Variants in RSPH1 observed in about 807,000 individuals in gnomAD.
The protein encoded by RSPH1 is radial spoke head 1 homolog.
RSPH1 carries 32 observed loss-of-function variants against 44.2 expected under a neutral mutation model. The ratio of observed to expected loss-of-function variants is 0.72; its 90% confidence interval spans 0.55 to 0.97. RSPH1 has a LOEUF of 0.97. Ranked by LOEUF, RSPH1 falls within the 50% of genes least tolerant of loss-of-function variation. The pLI, the probability that RSPH1 is intolerant of heterozygous loss-of-function variation, is 0.00. For synonymous variants in RSPH1, 134 were observed against 147.3 expected, an observed-to-expected ratio of 0.91 and a Z score of 0.65; for missense variants, 391 against 398.7, an observed-to-expected ratio of 0.98 and a Z score of 0.16.
intron 3 of RSPH1, among the ~76,000 whole-genome samples, chr21:42,487,845 A>G (rs1382246310): frequency 6.6e-6 from 1 of 152,236 alleles, no homozygotes; most frequent in Non-Finnish European, 1.5e-5. Flanking sequence ...GAACTTCTAC[A>G]TATTTATTTC....
chr21:42,476,003 A>G lies in RSPH1; in HGVS notation c.772T>C (p.Phe258Leu). 6.2e-7 allele frequency: 1 copy of G among 1,613,200 alleles called. No homozygotes were observed. Among genetic ancestry groups the G allele is most frequent in the Non-Finnish European group, 8.5e-7 (1 of 1,179,780 alleles). Residue 258 changes from phenylalanine (F) to leucine (L), a missense_variant, in exon 8 of 9, where the codon TTC becomes CTC. Coordinates refer to ENST00000291536, the MANE Select transcript of RSPH1 (RefSeq NM_080860.4). Reference sequence around the variant, plus strand: ...GGCCTCATGTCCATCTCACCCTCGAAGCCCTCCAGCAGAGCCTGGGCCTCC... The same window carrying G: ...GGCCTCATGTCCATCTCACCCTCGAGGCCCTCCAGCAGAGCCTGGGCCTCC... Reference protein sequence around the residue: ...GEEAQALLEGFEGEMDMRPGD... With the variant: ...GEEAQALLEGLEGEMDMRPGD...
chr21:42,477,504 T>G, intron 6 of RSPH1, 60 bp from the exon 7 acceptor site: 5 of 1,564,822 alleles, frequency 3.2e-6, no homozygotes, highest in Non-Finnish European at 4.4e-6. Context: ...TCTGGAATAT[T>G]AAAAGTGAGG....
rs374495691 is a variant in RSPH1 at position 42,482,988 on chromosome 21, C to A, written c.502-280G>T. 4.1e-4 allele frequency among the ~76,000 whole-genome samples: 62 copies of A among 152,266 alleles called. 4 individuals carry two copies. Among genetic ancestry groups the A allele is most frequent in the African/African-American group, 1.0e-3 (43 of 41,558 alleles). Reference sequence around the variant, plus strand: ...CAGTATCCATAGGCAAACTAGCTACCGATGGAACTACTACTAATATTTTGA... The same window carrying A: ...CAGTATCCATAGGCAAACTAGCTACAGATGGAACTACTACTAATATTTTGA... On this transcript the variant is annotated intron_variant, in intron 5 of 8. Coordinates refer to ENST00000291536, the MANE Select transcript of RSPH1 (RefSeq NM_080860.4).
chr21:42,477,410 A>G lies in RSPH1; in HGVS notation c.608T>C (p.Val203Ala), dbSNP rs1288323751. 1 of 1,614,000 alleles carries G rather than the reference A, an allele frequency of 6.2e-7. No homozygotes were observed. The highest frequency in any genetic ancestry group is 8.5e-7 in the Non-Finnish European group (1 of 1,179,970). Residue 203 changes from valine (V) to alanine (A), a missense_variant, in exon 7 of 9, where the codon GTA becomes GCA. Coordinates refer to ENST00000291536, the MANE Select transcript of RSPH1 (RefSeq NM_080860.4). ...AGCTTTCCATTTTGGAACAACAGTT[A>G]CTAATTCTTCCTCCTCTTCCTCTTC... ...RGEEEEEEEL[V>A]TVVPKWKATQ...
At chr21:42,494,792 C>T (rs972065213) in intron 1 of RSPH1, among the ~76,000 whole-genome samples, 10 of 151,766 alleles carry the variant, frequency 6.6e-5, no homozygotes, top group African/African-American at 7.3e-5. Context: ...CTCTGCCTCC[C>T]GGGTTCAAGC....
intron 1 of RSPH1, among the ~76,000 whole-genome samples, chr21:42,493,478 C>T (rs1425677982): frequency 6.6e-6 from 1 of 152,122 alleles, no homozygotes; most frequent in African/African-American, 2.4e-5. Flanking sequence ...ACACAAATAC[C>T]TCCCCGTTTG....
intron 7 of RSPH1, among the ~76,000 whole-genome samples, chr21:42,476,272 C>G (rs559074273): frequency 6.6e-6 from 1 of 152,160 alleles, no homozygotes; most frequent in Non-Finnish European, 1.5e-5. Context: ...AGCAGGTAGT[C>G]TGATAACTTT....
At chr21:42,492,566 G>A (rs1047131855) in intron 3 of RSPH1, among the ~76,000 whole-genome samples, 192 bp downstream of exon 3, 1 of 152,210 alleles carries the variant, frequency 6.6e-6, no homozygotes, top group Non-Finnish European at 1.5e-5. Context: ...ATTCATTAGT[G>A]AGTTAATTAA....
chr21:42,486,366 C>A lies in RSPH1; in HGVS notation c.365+5G>T. The A allele has an allele frequency of 6.2e-7, 1 of 1,605,808 alleles. No individual in the cohort carries two copies. The highest frequency in any genetic ancestry group is 8.5e-7 in the Non-Finnish European group (1 of 1,172,478). On this transcript the variant is annotated splice_donor_5th_base_variant and intron_variant, in intron 4 of 8. Transcript: ENST00000291536. ...TCCCGTTAAGACCCAAGATAGAAAC[C>A]GAACCTTTGATGAGCAAACCACTCT...
At chr21:42,490,978 C>T (rs372088931) in intron 3 of RSPH1, among the ~76,000 whole-genome samples, 115 of 152,334 alleles carry the variant, frequency 7.5e-4, no homozygotes, top group African/African-American at 2.7e-3. Context: ...GTGCACTCCA[C>T]CTCCACAAGG....
chr21:42,477,532 G>A (rs2054081082), intron 6 of RSPH1, 88 bp from the exon 7 acceptor site: 2 of 1,419,876 alleles, frequency 1.4e-6, no homozygotes, highest in East Asian at 4.6e-5. Flanking sequence ...GACAAGTTTT[G>A]AAAGACAGGT....
chr21:42,492,208 C>T (rs983061244), intron 3 of RSPH1, among the ~76,000 whole-genome samples: 24 of 152,358 alleles, frequency 1.6e-4, no homozygotes, highest in African/African-American at 5.5e-4. Context: ...CAAGGGGCGG[C>T]AGGGAGGTTC....
At position 42,492,130 on chromosome 21, in the gene RSPH1, G is replaced by A. The variant is rs76692604; in HGVS notation, c.274+628C>T. Among the ~76,000 whole-genome samples the A allele has an allele frequency of 7.2e-5, 11 of 152,336 alleles. No individual in the cohort carries two copies. The East Asian group carries it at 2.1e-3, about 29-fold the overall frequency. On this transcript the variant is annotated intron_variant, in intron 3 of 8. Coordinates refer to ENST00000291536, the MANE Select transcript of RSPH1 (RefSeq NM_080860.4). ...TACACTTTCTGAAGACTCACAACAC[G>A]CTCCCTGCCGGTCCCCCTGCCCAGG...
At chr21:42,493,302 G>A (rs865801978) in intron 1 of RSPH1, among the ~76,000 whole-genome samples, 4 of 152,172 alleles carry the variant, frequency 2.6e-5, no homozygotes, top group Non-Finnish European at 4.4e-5. Flanking sequence ...TGTCCAGGGC[G>A]GAAGCCTCGT....
intron 5 of RSPH1, among the ~76,000 whole-genome samples, chr21:42,483,696 T>C (rs537827846): frequency 6.6e-6 from 1 of 152,210 alleles, no homozygotes; most frequent in Non-Finnish European, 1.5e-5. Flanking sequence ...AACCTATTGG[T>C]TTTTCCTTTC....
chr21:42,487,953 G>A (rs12482771), intron 3 of RSPH1, among the ~76,000 whole-genome samples: 19,354 of 152,220 alleles, frequency 0.13, 1,552 homozygotes, highest in Non-Finnish European at 0.18. Context: ...TCCCCAGGGC[G>A]CGAGCACCAG....
intron 8 of RSPH1, 133 bp from the exon 9 acceptor site, chr21:42,473,003 T>C: frequency 3.1e-6 from 2 of 637,402 alleles, no homozygotes; most frequent in African/African-American, 1.9e-5. Flanking sequence ...AAAAATTGAA[T>C]GTTAAATTTT....
In RSPH1 at chr21:42,472,794, G is replaced by A. The variant is rs191554866; in HGVS notation, c.*24C>T. 95 of 1,578,658 alleles carry A rather than the reference G, an allele frequency of 6.0e-5. No individual in the cohort carries two copies. The highest frequency in any genetic ancestry group is 3.3e-4 in the Middle Eastern group (2 of 5,990). On this transcript the variant is annotated 3_prime_UTR_variant, in exon 9 of 9. Coordinates refer to ENST00000291536, the MANE Select transcript of RSPH1 (RefSeq NM_080860.4). The stretch of plus-strand genomic sequence containing the variant: ...AACGACAGAAGCATTCTTATGATAC[G>A]ATCTCCTCTCGGCTCACTTCATCTT...
chr21:42,485,868 A>C, intron 4 of RSPH1, 64 bp from the exon 5 acceptor site: 1 of 1,603,160 alleles, frequency 6.2e-7, no homozygotes, highest in East Asian at 2.2e-5. Context: ...CCAGGTTTAA[A>C]ACACAGACAT....
Sources: gnomAD v4.1 joint callset for allele counts (sites outside exome capture counted in the v4.1 genomes callset) on GRCh38, gnomAD v4.1.1 for gene constraint, MANE v1.5 for transcripts, NCBI Gene and HGNC (gene_info 2026-07-23, HGNC 2026-07-21) for gene names.